FBXL17: variants seen among roughly 807,000 people sequenced by gnomAD.
FBXL17 encodes F-box and leucine rich repeat protein 17.
A neutral mutation model predicts 66.2 loss-of-function variants in FBXL17; 22 were observed. The observed-to-expected ratio is 0.33, with a 90% CI of 0.24 to 0.47. The LOEUF is 0.47. Ranked by LOEUF, FBXL17 falls within the 20% of genes least tolerant of loss-of-function variation. FBXL17 has a pLI of 1.00. For synonymous variants in FBXL17, 474 were observed against 400.5 expected (o/e 1.18, Z -2.19); for missense variants, 878 against 948.2 (o/e 0.93, Z 0.97).
At position 108,365,037 on chromosome 5, in the gene FBXL17, TAAA is replaced by T. The variant is rs1323411145; in HGVS notation, c.1117-45_1117-43del. On this transcript the variant is annotated intron_variant, in intron 2 of 8. Coordinates refer to ENST00000542267, the MANE Select transcript of FBXL17 (RefSeq NM_001163315.3). ...AATAAATTTAAACTTTTGCTAAAAATAAAAACGTATTTTCCATTTTTTAATTAA... is the reference window on the plus strand; with the variant it reads ...AATAAATTTAAACTTTTGCTAAAAATAACGTATTTTCCATTTTTTAATTAA... 2.1e-6 allele frequency: 3 copies of T among 1,445,198 alleles called. No individual in the cohort carries two copies. The Admixed American group carries it at 6.4e-5, about 31-fold the overall frequency. The allele number at this position is 1,445,198 out of a possible 1,614,324, so 89.5% of individuals were successfully genotyped here. A position where few individuals can be genotyped will look rare whatever the true frequency, so the allele number is the denominator to read the frequency against.
chr5:108,201,480 T>C (rs1297036512), intron 5 of FBXL17, among the ~76,000 whole-genome samples: 1 of 152,152 alleles, frequency 6.6e-6, no homozygotes, highest in Non-Finnish European at 1.5e-5. Context: ...AAGTATTTTA[T>C]ACATGTACAA....
intron 7 of FBXL17, among the ~76,000 whole-genome samples, chr5:107,924,787 C>G (rs542412713): frequency 8.5e-5 from 13 of 152,254 alleles, no homozygotes; most frequent in Non-Finnish European, 1.5e-4. Context: ...CCATCCATCA[C>G]GAAATTCTCG....
At chr5:108,086,803 C>G (rs529314589) in intron 6 of FBXL17, among the ~76,000 whole-genome samples, 3 of 152,198 alleles carry the variant, frequency 2.0e-5, no homozygotes, top group Middle Eastern at 3.4e-3. Context: ...TCAAGTGATC[C>G]ACCCGCCTCG....
At chr5:107,909,279 C>T (rs1291681554) in intron 7 of FBXL17, among the ~76,000 whole-genome samples, 1 of 152,130 alleles carries the variant, frequency 6.6e-6, no homozygotes, top group African/African-American at 2.4e-5. Flanking sequence ...GAAAGAGCCA[C>T]AATTTGTGCA....
At chr5:108,353,082 C>T (rs1234109433) in intron 3 of FBXL17, among the ~76,000 whole-genome samples, 1 of 152,168 alleles carries the variant, frequency 6.6e-6, no homozygotes, top group African/African-American at 2.4e-5. Context: ...CATTCAGTAA[C>T]TGTAATGCTT....
At chr5:108,321,649 T>C (rs1282706331) in intron 4 of FBXL17, among the ~76,000 whole-genome samples, 1 of 151,784 alleles carries the variant, frequency 6.6e-6, no homozygotes, top group African/African-American at 2.4e-5. Context: ...CTGTTTTGAC[T>C]TTCTAACTAT....
At position 107,859,729 on chromosome 5, in the gene FBXL17, C is replaced by T. The variant is rs553958862; in HGVS notation, c.*1991G>A. 2.0e-5 allele frequency: 3 copies of T among 152,108 alleles called. No individual in the cohort carries two copies. Among genetic ancestry groups the T allele is most frequent in the African/African-American group, 7.2e-5 (3 of 41,524 alleles). The allele number at this position is 152,108 out of a possible 1,614,324, so 9.4% of individuals were successfully genotyped here. A position where few individuals can be genotyped will look rare whatever the true frequency, so the allele number is the denominator to read the frequency against. On this transcript the variant is annotated 3_prime_UTR_variant, in exon 9 of 9. Coordinates refer to ENST00000542267, the MANE Select transcript of FBXL17 (RefSeq NM_001163315.3). ...TACCATCTATATCATAGATGGCTCT[C>T]CCTTCTTTTGTCTTTTTTAACTATT... is the stretch of plus-strand genomic sequence containing the variant.
chr5:108,129,496 G>A (rs975292210), intron 6 of FBXL17, among the ~76,000 whole-genome samples: 1 of 151,912 alleles, frequency 6.6e-6, no homozygotes, highest in Non-Finnish European at 1.5e-5. Flanking sequence ...TTTTCCTTTA[G>A]AATCAAATAG....
intron 4 of FBXL17, among the ~76,000 whole-genome samples, chr5:108,312,264 A>T (rs963416850): frequency 1.3e-5 from 2 of 152,192 alleles, no homozygotes; most frequent in Non-Finnish European, 2.9e-5. Context: ...CAATTTTTAA[A>T]AAATTAACTC....
Position 108,380,956 on chromosome 5 carries a change from C to T in FBXL17, c.736G>A (p.Gly246Ser). 8.2e-7 allele frequency: 1 copy of T among 1,221,116 alleles called. No homozygotes were observed. The highest frequency in any genetic ancestry group is 1.0e-6 in the Non-Finnish European group (1 of 980,378). 75.6% of individuals were successfully genotyped at this position (1,221,116 alleles called of 1,614,324 possible). Residue 246 changes from glycine to serine, a missense_variant, in exon 1 of 9, where the codon GGC becomes AGC. By Grantham distance (56) the Gly-to-Ser change is moderately conservative. Around this residue, in one of 4 missense-constraint regions of FBXL17, gnomAD observed 605 missense variants for 509.5 expected, o/e 1.19. Coordinates refer to ENST00000542267, the MANE Select transcript of FBXL17 (RefSeq NM_001163315.3). ...GGCTGCTCCGGGGCCTGGCAGCAGC[C>T]GGCGTCGGGGGGCCGGGGCGGCGAA... ...GASPPRPPDA[G>S]CCQAPEQPPQ...
chr5:108,087,135 C>T (rs181170534), intron 6 of FBXL17, among the ~76,000 whole-genome samples: 3 of 152,316 alleles, frequency 2.0e-5, no homozygotes, highest in Admixed American at 1.3e-4. Context: ...CTGAAACCTA[C>T]CCAACCTCTG....
intron 6 of FBXL17, among the ~76,000 whole-genome samples, chr5:108,062,299 T>C (rs150680193): frequency 2.0e-5 from 3 of 152,152 alleles, no homozygotes; most frequent in Non-Finnish European, 2.9e-5. Context: ...TAAAATATAA[T>C]GTATTAAAGA....
intron 1 of FBXL17, among the ~76,000 whole-genome samples, chr5:108,368,943 C>T (rs1748848400): frequency 6.7e-6 from 1 of 149,620 alleles, no homozygotes; most frequent in Non-Finnish European, 1.5e-5. Context: ...CTACATACTT[C>T]CCTCACAATT....
At chr5:108,060,943 C>G (rs1354847475) in intron 6 of FBXL17, among the ~76,000 whole-genome samples, 2 of 152,206 alleles carry the variant, frequency 1.3e-5, no homozygotes, top group South Asian at 4.2e-4. Flanking sequence ...GAACCACAGG[C>G]CAACAACCAG....
At chr5:108,020,871 G>A (rs999324033) in intron 7 of FBXL17, 54 bp downstream of exon 7, 272 of 1,283,964 alleles carry the variant, frequency 2.1e-4, no homozygotes, top group Non-Finnish European at 2.9e-4. Context: ...AACTTTCAAT[G>A]ATTTTGTAAC....
chr5:107,881,107 T>G lies in FBXL17; in HGVS notation c.1895A>C (p.Asp632Ala), dbSNP rs1417108459. ...CTGTGCAATCAGGGTGGCTCCTTGG[T>G]CTGTGATTTCTTTACACCATCCGAC... ...VDVGWCKEIT[D>A]QGATLIAQSS... Residue 632 changes from aspartate to alanine, a missense_variant, in exon 8 of 9, where the codon GAC (aspartate) becomes GCC (alanine). By Grantham distance (126) the Asp-to-Ala change is moderately radical (BLOSUM62 -2). This residue lies in a region of FBXL17 where 236 missense variants were observed against 389.1 expected (regional missense o/e 0.61). Coordinates refer to ENST00000542267, the MANE Select transcript of FBXL17 (RefSeq NM_001163315.3). The G allele has an allele frequency of 6.2e-7, 1 of 1,613,960 alleles. No individual in the cohort carries two copies.
chr5:107,893,883 C>T (rs1288797980), intron 7 of FBXL17, among the ~76,000 whole-genome samples: 1 of 152,158 alleles, frequency 6.6e-6, no homozygotes, highest in Non-Finnish European at 1.5e-5. Flanking sequence ...AATCACATAA[C>T]CCTCTGTGCC....
At chr5:108,187,615 T>C (rs1194273111) in intron 5 of FBXL17, among the ~76,000 whole-genome samples, 2 of 152,290 alleles carry the variant, frequency 1.3e-5, no homozygotes, top group African/African-American at 2.4e-5. Flanking sequence ...TCAAGGAACA[T>C]GGGCAGCTTT....
chr5:108,263,929 C>T (rs778161902), intron 4 of FBXL17, among the ~76,000 whole-genome samples: 5 of 152,052 alleles, frequency 3.3e-5, no homozygotes, highest in Non-Finnish European at 7.4e-5. Context: ...AGAATCTCTA[C>T]TTTATGCCGG....
Sources: allele counts gnomAD v4.1 joint callset (sites outside exome capture counted in the v4.1 genomes callset), GRCh38; gene constraint gnomAD v4.1.1; regional missense constraint gnomAD v4.1.1; transcripts MANE v1.5; gene names NCBI Gene and HGNC (gene_info 2026-07-23, HGNC 2026-07-21).